The following NPHP1 variants were observed in gnomAD, a reference collection of about 807,000 sequenced individuals.
NPHP1 encodes the protein nephrocystin-1.
In NPHP1, 70 loss-of-function variants were observed where a neutral mutation model predicts 90.4. The observed-to-expected ratio is 0.77, with a 90% CI of 0.64 to 0.95. NPHP1 has a LOEUF of 0.95. Among genes scored for constraint, NPHP1 ranks in the 40% least tolerant of loss-of-function variants. NPHP1 has a pLI of 0.00. For synonymous variants in NPHP1, 256 were observed against 271.7 expected, an observed-to-expected ratio of 0.94 and a Z score of 0.57; for missense variants, 764 against 795.9, an observed-to-expected ratio of 0.96 and a Z score of 0.48.
chr2:110,128,428 G>A (rs891405732), intron 18 of NPHP1: 2 of 151,824 alleles, frequency 1.3e-5, no homozygotes, highest in African/African-American at 2.4e-5. Context: ...AAGCTGGACT[G>A]TCAGCTCTAT....
chr2:110,153,308 A>T (rs1214000995), intron 11 of NPHP1, among the ~76,000 whole-genome samples: 3 of 152,152 alleles, frequency 2.0e-5, no homozygotes, highest in Non-Finnish European at 2.9e-5. Flanking sequence ...AGAATGGTTA[A>T]AGGAGATTCT....
intron 2 of NPHP1, among the ~76,000 whole-genome samples, chr2:110,199,239 C>T (rs1026258469): frequency 3.9e-5 from 6 of 151,956 alleles, no homozygotes; most frequent in Non-Finnish European, 8.8e-5. Context: ...TTGAGAGCAG[C>T]CTGGCCAACA....
chr2:110,194,963 T>C (rs569398092), intron 2 of NPHP1, among the ~76,000 whole-genome samples: 2 of 152,102 alleles, frequency 1.3e-5, no homozygotes, highest in Admixed American at 6.5e-5. Context: ...AACAACCCTT[T>C]ATGCTAAAAA....
At chr2:110,164,822 T>G in intron 7 of NPHP1, 92 bp from the exon 8 acceptor site, 2 of 1,181,262 alleles carry the variant, frequency 1.7e-6, no homozygotes, top group Non-Finnish European at 2.5e-6. Context: ...TAATCATCAG[T>G]AAGTTTTGAA....
chr2:110,167,423 C>T (rs1481239405), intron 6 of NPHP1, among the ~76,000 whole-genome samples: 2 of 152,102 alleles, frequency 1.3e-5, no homozygotes, highest in African/African-American at 4.8e-5. Flanking sequence ...TTTAGTTAAA[C>T]ATGGCTAATG....
At chr2:110,165,266 G>A in intron 6 of NPHP1, 111 bp from the exon 7 acceptor site, 1 of 845,574 alleles carries the variant, frequency 1.2e-6, no homozygotes, top group South Asian at 1.5e-5. Flanking sequence ...AAGCTTTTCT[G>A]TTTAAAAACA....
intron 16 of NPHP1, among the ~76,000 whole-genome samples, chr2:110,135,476 CAAAAAAAAAAAAAA>C (rs66696927): frequency 2.0e-4 from 3 of 15,116 alleles, no homozygotes; most frequent in Admixed American, 1.5e-3. Flanking sequence ...GACCCCGTCT[CAAAAAAAAAAAAAA>C]AAAAAAAAAA....
intron 2 of NPHP1, among the ~76,000 whole-genome samples, chr2:110,191,091 C>G (rs907399761): frequency 6.6e-6 from 1 of 152,106 alleles, no homozygotes; most frequent in Non-Finnish European, 1.5e-5. Flanking sequence ...GAGTGAGTGA[C>G]GCAGAAGATG....
Position 110,129,267 on chromosome 2 carries a change from G to A in NPHP1, c.1643-8C>T, listed in dbSNP as rs1328392742. On this transcript the variant is annotated splice_polypyrimidine_tract_variant and splice_region_variant and intron_variant, in intron 17 of 19. Coordinates refer to ENST00000445609, the MANE Select transcript of NPHP1 (RefSeq NM_001128178.3). ...TGGGATGGCTAATTAAATCTGAAAT[G>A]CAAAACAACAGAAAGAATTTTATGC... 7 of 1,608,556 alleles carry A rather than the reference G, an allele frequency of 4.4e-6. No individual in the cohort carries two copies. The highest frequency in any genetic ancestry group is 6.0e-6 in the Non-Finnish European group (7 of 1,175,240).
At chr2:110,175,168 C>T (rs1683421104) in intron 4 of NPHP1, among the ~76,000 whole-genome samples, 2 of 152,052 alleles carry the variant, frequency 1.3e-5, no homozygotes, top group Admixed American at 1.3e-4. Context: ...CTTTATAGAA[C>T]ATAACTACTG....
At chr2:110,145,103 C>T (rs575495497) in intron 14 of NPHP1, among the ~76,000 whole-genome samples, 63 of 152,212 alleles carry the variant, frequency 4.1e-4, no homozygotes, top group African/African-American at 1.5e-3. Context: ...TATGCAAATG[C>T]AAACAAATGT....
intron 11 of NPHP1, among the ~76,000 whole-genome samples, chr2:110,158,492 T>A (rs1387848545): frequency 2.0e-5 from 3 of 152,090 alleles, no homozygotes; most frequent in Non-Finnish European, 2.9e-5. Context: ...GTGTTAAATT[T>A]CAGATGTTAG....
chr2:110,124,019 A>T lies in NPHP1; in HGVS notation c.1806T>A (p.His602Gln). 1 of 1,614,140 alleles carries T rather than the reference A, an allele frequency of 6.2e-7. No homozygotes were observed. Among genetic ancestry groups the T allele is most frequent in the South Asian group, 1.1e-5 (1 of 91,072 alleles). ...AGTGGAGAAGTGGGAGCACGCAGTC[A>T]TGGTAAACCAGGAGAAACGTGGACT... ...FLKSTFLLVYHDCVLPLLHST... is the reference protein window; with the variant it reads ...FLKSTFLLVYQDCVLPLLHST... The change falls in exon 20 of 20, where the codon CAT becomes CAA. Residue 602 changes from histidine to glutamine, a missense_variant. Physicochemically the swap from His to Gln is conservative, Grantham distance 24. Coordinates refer to ENST00000445609, the MANE Select transcript of NPHP1 (RefSeq NM_001128178.3).
chr2:110,129,095 A>C (rs1679579402), intron 18 of NPHP1, 91 bp downstream of exon 18: 1 of 788,108 alleles, frequency 1.3e-6, no homozygotes, highest in African/African-American at 1.9e-5. Flanking sequence ...TCCTAGTAAC[A>C]AAAAAAAAGG....
Position 110,164,686 on chromosome 2 carries a change from G to A in NPHP1, c.773C>T (p.Ala258Val), listed in dbSNP as rs189320299. Residue 258 changes from alanine to valine, a missense_variant, in exon 8 of 20, where the codon GCG becomes GTG. By Grantham distance (64) the Ala-to-Val change is moderately conservative. Coordinates refer to the NPHP1 transcript ENST00000316534. Reference sequence around the variant, plus strand: ...ATGATTAACAAGACAGAAGATGCCCGCCTCTGAAATCGCTTTCTGAACAGC... The same window carrying A: ...ATGATTAACAAGACAGAAGATGCCCACCTCTGAAATCGCTTTCTGAACAGC... 135 of 1,613,988 alleles carry A rather than the reference G, an allele frequency of 8.4e-5. No individual in the cohort carries two copies. Among genetic ancestry groups the A allele is most frequent in the Admixed American group, 6.3e-4 (38 of 60,010 alleles).
At position 110,163,076 on chromosome 2, in the gene NPHP1, A is replaced by G. The variant is rs1261555545; in HGVS notation, c.831T>C (p.Pro277=). 1 of 1,613,610 alleles carries G rather than the reference A, an allele frequency of 6.2e-7. No individual in the cohort carries two copies. The highest frequency in any genetic ancestry group is 8.5e-7 in the Non-Finnish European group (1 of 1,179,530). Residue 277 remains proline (P), a synonymous_variant, in exon 9 of 20, where the codon CCT becomes CCC. Transcript: ENST00000445609. ...TMGAIPAGFR[P]STLSQLLEEG... is the part of the protein sequence containing the mutation. ...CCTCCAGAAGCTGTGAGAGCGTGGA[A>G]GGCCTGAACCCTGCAGGAATAGCTC...
intron 2 of NPHP1, among the ~76,000 whole-genome samples, chr2:110,182,067 A>G (rs56249781): frequency 0.043 from 6,494 of 152,198 alleles, 455 homozygotes; most frequent in African/African-American, 0.14. Flanking sequence ...GAATTAAGAC[A>G]GGCGGACAAG....
intron 5 of NPHP1, among the ~76,000 whole-genome samples, chr2:110,169,171 G>A (rs947836889): frequency 6.6e-6 from 1 of 151,128 alleles, no homozygotes. Flanking sequence ...CCATTTTCCA[G>A]GAGAATTTGA....
chr2:110,153,631 C>G (rs946165571), intron 11 of NPHP1, among the ~76,000 whole-genome samples: 1 of 152,048 alleles, frequency 6.6e-6, no homozygotes, highest in Non-Finnish European at 1.5e-5. Context: ...ACTAAGGAAA[C>G]TAGCCAAAAA....
Sources: allele counts gnomAD v4.1 joint callset (sites outside exome capture counted in the v4.1 genomes callset), GRCh38; gene constraint gnomAD v4.1.1; transcripts MANE v1.5; gene names NCBI Gene and HGNC (gene_info 2026-07-23, HGNC 2026-07-21).